SLC12A2: variants seen among roughly 807,000 people sequenced by gnomAD.
SLC12A2 encodes Na-K-2Cl cotransporter 1.
Under a neutral mutation model 136.3 loss-of-function variants are expected in SLC12A2, and 67 were observed. That is an observed-to-expected ratio of 0.49 (90% CI 0.40 to 0.60). The LOEUF (loss-of-function observed/expected upper bound fraction) is 0.60, where lower values mean the gene tolerates loss of function less well. Among genes scored for constraint, SLC12A2 ranks in the 20% least tolerant of loss-of-function variants. SLC12A2 has a pLI of 0.00. For synonymous variants in SLC12A2, 619 were observed against 562.9 expected, an observed-to-expected ratio of 1.10 and a Z score of -1.41; for missense variants, 1,322 against 1,534.7, an observed-to-expected ratio of 0.86 and a Z score of 2.32.
chr5:128,107,315 T>C (rs1760976774), intron 1 of SLC12A2, among the ~76,000 whole-genome samples: 1 of 152,214 alleles, frequency 6.6e-6, no homozygotes, highest in Non-Finnish European at 1.5e-5. Context: ...AATTATACTT[T>C]AAGTTCTAGC....
intron 9 of SLC12A2, among the ~76,000 whole-genome samples, chr5:128,139,312 A>G (rs1005967853): frequency 1.3e-5 from 2 of 151,836 alleles, no homozygotes; most frequent in African/African-American, 4.8e-5. Flanking sequence ...TTTCAAGGCT[A>G]TTAAGCAATG....
intron 17 of SLC12A2, among the ~76,000 whole-genome samples, chr5:128,165,926 C>T (rs80029338): frequency 7.0e-6 from 1 of 143,808 alleles, no homozygotes; most frequent in Non-Finnish European, 1.5e-5. Context: ...CCTCCCCCCC[C>T]CCCCCCCAGT....
In SLC12A2 at chr5:128,083,896, AG is replaced by A; in HGVS notation, c.-56del. ...TGGCCACCGCCGGCCAGGGGTGTGG[AG>A]GGCGTGCTGCCGGAGACGTCCGCCG... On this transcript the variant is annotated 5_prime_UTR_variant, in exon 1 of 27. Transcript: ENST00000262461. 1 of 1,184,228 alleles carries A rather than the reference AG, an allele frequency of 8.4e-7. No homozygotes were observed. The highest frequency in any genetic ancestry group is 1.1e-6 in the Non-Finnish European group (1 of 949,502). 73.4% of individuals were successfully genotyped at this position (1,184,228 alleles called of 1,614,324 possible).
intron 4 of SLC12A2, among the ~76,000 whole-genome samples, chr5:128,116,003 A>G (rs1409179614): frequency 6.6e-6 from 1 of 152,156 alleles, no homozygotes; most frequent in East Asian, 1.9e-4. Context: ...TGGGATATAC[A>G]GTGTGGATAT....
At chr5:128,110,226 C>G (rs1761092586) in intron 1 of SLC12A2, 1 of 805,934 alleles carries the variant, frequency 1.2e-6, no homozygotes, top group Non-Finnish European at 2.3e-6. Context: ...AAAAAGAAAT[C>G]CAATTCAAAC....
chr5:128,133,736 T>C (rs1762099721), intron 5 of SLC12A2, among the ~76,000 whole-genome samples: 1 of 152,072 alleles, frequency 6.6e-6, no homozygotes, highest in Non-Finnish European at 1.5e-5. Flanking sequence ...AGTGTGTTTT[T>C]GGACAGCAGC....
At position 128,152,813 on chromosome 5, in the gene SLC12A2, A is replaced by T. The variant is rs1267377652; in HGVS notation, c.2363+8A>T. Reference sequence around the variant, plus strand: ...CCACGTGAAAAACTTTAGGTAAGTGATAAAGAAGGAAACATGGAAGCATTT... The same window carrying T: ...CCACGTGAAAAACTTTAGGTAAGTGTTAAAGAAGGAAACATGGAAGCATTT... On this transcript the variant is annotated splice_region_variant and intron_variant, in intron 15 of 26. Transcript: ENST00000262461. The T allele has an allele frequency of 1.9e-6, 3 of 1,541,536 alleles. No homozygotes were observed. In the East Asian group the frequency reaches 6.7e-5, roughly 35 times the overall value.
chr5:128,177,075 A>G (rs1291631111), intron 20 of SLC12A2, 30 bp from the exon 21 acceptor site: 3 of 1,440,762 alleles, frequency 2.1e-6, no homozygotes, highest in Admixed American at 2.1e-5. Flanking sequence ...GGCAATTAAC[A>G]TATTTTTGTG....
intron 17 of SLC12A2, among the ~76,000 whole-genome samples, chr5:128,162,630 A>G (rs578091303): frequency 9.0e-4 from 137 of 152,284 alleles, no homozygotes; most frequent in African/African-American, 3.1e-3. Context: ...CCAAGGGAAG[A>G]TGGTGATCCT....
At position 128,187,837 on chromosome 5, in the gene SLC12A2, T is replaced by A. The variant is rs543502860; in HGVS notation, c.*1206T>A. ...AAATGTCTGTTTTGACATCATAGTC[T>A]AGTAAAATTTTGACAGTGCATATGT... On this transcript the variant is annotated 3_prime_UTR_variant, in exon 27 of 27. Coordinates refer to ENST00000262461, the MANE Select transcript of SLC12A2 (RefSeq NM_001046.3). 38 of 152,752 alleles carry A rather than the reference T, an allele frequency of 2.5e-4. No homozygotes were observed. Among genetic ancestry groups the A allele is most frequent in the African/African-American group, 8.7e-4 (36 of 41,580 alleles). The allele number at this position is 152,752 out of a possible 1,614,324, so 9.5% of individuals were successfully genotyped here. A position where few individuals can be genotyped will look rare whatever the true frequency, so the allele number is the denominator to read the frequency against.
Position 128,184,836 on chromosome 5 carries a change from C to T in SLC12A2, c.3483C>T (p.Ser1161=). The T allele has an allele frequency of 6.2e-7, 1 of 1,603,660 alleles. No homozygotes were observed. The highest frequency in any genetic ancestry group is 8.5e-7 in the Non-Finnish European group (1 of 1,170,908). The part of the protein sequence containing the change: ...RLNELLKEHS[S]TANIIVMSLP... ...ATGAGTTATTAAAGGAACATTCAAG[C>T]ACAGCTAATATTATTGTCATGTAAG... The change falls in exon 26 of 27, where the codon AGC becomes AGT. Residue 1161 remains serine, a synonymous_variant. Coordinates refer to ENST00000262461, the MANE Select transcript of SLC12A2 (RefSeq NM_001046.3).
intron 1 of SLC12A2, among the ~76,000 whole-genome samples, chr5:128,099,312 T>A: frequency 6.6e-6 from 1 of 152,094 alleles, no homozygotes; most frequent in East Asian, 1.9e-4. Flanking sequence ...TATTCACACA[T>A]AGAAACCTAA....
At position 128,084,362 on chromosome 5, in the gene SLC12A2, G is replaced by T; in HGVS notation, c.408G>T (p.Lys136Asn). ...SEPAKGSEEA[K>N]GRFRVNFVDP... Reference sequence around the variant, plus strand: ...CGGCTAAAGGCAGCGAGGAAGCCAAGGGCCGCTTCCGCGTGAACTTCGTGG... The same window carrying T: ...CGGCTAAAGGCAGCGAGGAAGCCAATGGCCGCTTCCGCGTGAACTTCGTGG... Residue 136 changes from lysine (K) to asparagine (N), a missense_variant, in exon 1 of 27, where the codon AAG (lysine) becomes AAT (asparagine). This residue lies in a region of SLC12A2 where 358 missense variants were observed against 299.7 expected (regional missense o/e 1.19). Transcript: ENST00000262461. This position sits in a 1 kb window ranked among gnomAD's most constrained non-coding sequence, Gnocchi z 5.6. 2 of 1,600,534 alleles carry T rather than the reference G, an allele frequency of 1.2e-6. No individual in the cohort carries two copies. The highest frequency in any genetic ancestry group is 8.5e-7 in the Non-Finnish European group (1 of 1,176,166).
chr5:128,182,435 C>T (rs1763733549), intron 23 of SLC12A2, among the ~76,000 whole-genome samples: 1 of 152,042 alleles, frequency 6.6e-6, no homozygotes, highest in Non-Finnish European at 1.5e-5. Context: ...TTCAGTATGG[C>T]CCACAGGTCA....
chr5:128,111,813 CGT>C (rs1554103717), intron 1 of SLC12A2, among the ~76,000 whole-genome samples: 124 of 146,744 alleles, frequency 8.5e-4, no homozygotes, highest in African/African-American at 2.8e-3. Flanking sequence ...TGTGTATATA[CGT>C]GTGTGTGTGT....
chr5:128,129,592 G>C (rs1356999916), intron 4 of SLC12A2, among the ~76,000 whole-genome samples: 1 of 151,912 alleles, frequency 6.6e-6, no homozygotes, highest in South Asian at 2.1e-4. Flanking sequence ...CCTGTTACAG[G>C]TGTTTTCCAA....
chr5:128,089,228 A>C (rs185625986), intron 1 of SLC12A2, among the ~76,000 whole-genome samples: 2 of 152,004 alleles, frequency 1.3e-5, no homozygotes, highest in Non-Finnish European at 2.9e-5. Flanking sequence ...CTTTTACAAA[A>C]AGTGCAGCTG....
intron 9 of SLC12A2, among the ~76,000 whole-genome samples, chr5:128,139,395 T>C (rs188007024): frequency 1.8e-4 from 27 of 152,300 alleles, no homozygotes; most frequent in Admixed American, 1.4e-3. Flanking sequence ...AGGAAAAGTT[T>C]TACTAAATTC....
At chr5:128,112,745 T>C (rs937045391) in intron 1 of SLC12A2, 69 bp from the exon 2 acceptor site, 65 of 1,196,064 alleles carry the variant, frequency 5.4e-5, no homozygotes, top group South Asian at 2.8e-5. Flanking sequence ...TATTTAGTTA[T>C]GTTTGTTTTT....
Sources: allele counts gnomAD v4.1 joint callset (sites outside exome capture counted in the v4.1 genomes callset), GRCh38; gene constraint gnomAD v4.1.1; regional missense constraint gnomAD v4.1.1; non-coding constraint Gnocchi (gnomAD v3.1); transcripts MANE v1.5; gene names NCBI Gene and HGNC (gene_info 2026-07-23, HGNC 2026-07-21).